ANKIB1: variants seen among roughly 807,000 people sequenced by gnomAD.
The protein encoded by ANKIB1 is ankyrin repeat and IBR domain containing 1.
A neutral mutation model predicts 122.1 loss-of-function variants in ANKIB1; 43 were observed. That is an observed-to-expected ratio of 0.35 (90% confidence interval 0.28 to 0.45). The LOEUF (loss-of-function observed/expected upper bound fraction) is 0.45. Ranked by LOEUF, ANKIB1 falls within the 20% of genes least tolerant of loss-of-function variation. The pLI, the probability that ANKIB1 is intolerant of heterozygous loss-of-function variation, is 1.00. For synonymous variants in ANKIB1, 390 were observed against 442.0 expected (o/e 0.88, Z 1.48); for missense variants, 992 against 1,329.5 (o/e 0.75, Z 3.95).
intron 1 of ANKIB1, among the ~76,000 whole-genome samples, chr7:92,252,063 A>G (rs1320216306): frequency 6.6e-6 from 1 of 152,116 alleles, no homozygotes; most frequent in Non-Finnish European, 1.5e-5. Context: ...CAGGTTATGC[A>G]TTCCTGGCAG....
At chr7:92,393,092 A>C (rs1804820193) in intron 17 of ANKIB1, among the ~76,000 whole-genome samples, 1 of 152,058 alleles carries the variant, frequency 6.6e-6, no homozygotes, top group African/African-American at 2.4e-5. Flanking sequence ...GTACAGAACA[A>C]ATGAGGAAAT....
At chr7:92,386,007 A>G (rs1429601348) in intron 11 of ANKIB1, among the ~76,000 whole-genome samples, 1 of 152,180 alleles carries the variant, frequency 6.6e-6, no homozygotes, top group Non-Finnish European at 1.5e-5. Flanking sequence ...GAATGCTCAT[A>G]TTTTTGGCAC....
intron 12 of ANKIB1, among the ~76,000 whole-genome samples, chr7:92,387,146 C>T (rs1804672649): frequency 6.6e-6 from 1 of 152,074 alleles, no homozygotes; most frequent in South Asian, 2.1e-4. Context: ...GACAGAGAGA[C>T]CTCTGGTGCC....
rs879299461 is a variant in ANKIB1, at chr7:92,371,706, A to G, written c.1617+99A>G. The G allele has an allele frequency of 6.4e-5, 87 of 1,357,508 alleles. No individual in the cohort carries two copies. In the Admixed American group the frequency reaches 1.8e-3, roughly 27 times the overall value. The allele number at this position is 1,357,508 out of a possible 1,614,324, so 84.1% of individuals were successfully genotyped here. ...TAAATTATTTGAGGGGGCCTGGTGC[A>G]GTGGCTCTTGCCTATAATCCCAGCA... On this transcript the variant is annotated intron_variant, in intron 11 of 19. Coordinates refer to ENST00000265742, the MANE Select transcript of ANKIB1 (RefSeq NM_019004.2).
chr7:92,397,598 T>C, intron 18 of ANKIB1, 125 bp from the exon 19 acceptor site: 1 of 975,646 alleles, frequency 1.0e-6, no homozygotes, highest in Non-Finnish European at 1.5e-6. Context: ...TAAGTGAACA[T>C]GTCAACACAG....
intron 5 of ANKIB1, among the ~76,000 whole-genome samples, chr7:92,334,170 A>G (rs551545555): frequency 1.7e-4 from 26 of 152,130 alleles, no homozygotes; most frequent in Non-Finnish European, 3.4e-4. Context: ...ATAGTACTTA[A>G]TGCTGTTATT....
At chr7:92,262,020 A>G (rs758405979) in intron 1 of ANKIB1, among the ~76,000 whole-genome samples, 38 of 152,182 alleles carry the variant, frequency 2.5e-4, no homozygotes, top group Non-Finnish European at 4.4e-4. Context: ...TGTGCCCTTC[A>G]TTACTTCATT....
chr7:92,386,243 AT>A (rs890070598), intron 11 of ANKIB1, among the ~76,000 whole-genome samples: 2 of 152,176 alleles, frequency 1.3e-5, no homozygotes, highest in Non-Finnish European at 2.9e-5. Context: ...TTTGGAAAGA[AT>A]GGTTCCTTGT....
intron 7 of ANKIB1, among the ~76,000 whole-genome samples, chr7:92,348,819 G>A (rs1803598752): frequency 6.6e-6 from 1 of 152,208 alleles, no homozygotes; most frequent in African/African-American, 2.4e-5. Flanking sequence ...GGACGCCAAA[G>A]AGAATTTGAA....
At chr7:92,320,628 T>C (rs1300211905) in intron 4 of ANKIB1, among the ~76,000 whole-genome samples, 1 of 152,164 alleles carries the variant, frequency 6.6e-6, no homozygotes, top group African/African-American at 2.4e-5. Flanking sequence ...CTGTCAATTT[T>C]ACCTCCAAAA....
intron 3 of ANKIB1, among the ~76,000 whole-genome samples, chr7:92,312,540 T>G (rs1247393258): frequency 1.3e-5 from 2 of 152,164 alleles, no homozygotes; most frequent in African/African-American, 4.8e-5. Flanking sequence ...TAATAAATCT[T>G]TATTTATGGA....
intron 19 of ANKIB1, 21 bp from the exon 20 acceptor site, chr7:92,398,191 T>C: frequency 6.5e-7 from 1 of 1,546,268 alleles, no homozygotes; most frequent in Non-Finnish European, 8.7e-7. Context: ...TTTAAAGTGG[T>C]TTTGCTTTCT....
Position 92,377,944 on chromosome 7 carries a change from T to TAA in ANKIB1, c.1617+6349_1617+6350dup, listed in dbSNP as rs879550552. ...TTTTATTTAAACTGTTCTTGAGAGT[T>TAA]AAAAAAAAAAAAACTTAAAACTTTC... On this transcript the variant is annotated intron_variant, in intron 11 of 19. Coordinates refer to ENST00000265742, the MANE Select transcript of ANKIB1 (RefSeq NM_019004.2). 7.3e-3 allele frequency among the ~76,000 whole-genome samples: 1,040 copies of TAA among 143,208 alleles called. 10 individuals are homozygous for TAA. Among genetic ancestry groups the TAA allele is most frequent in the African/African-American group, 0.025 (989 of 39,324 alleles). The allele number at this position is 143,208 out of a possible 152,430, so 94.0% of individuals were successfully genotyped here. A position where few individuals can be genotyped will look rare whatever the true frequency, so the allele number is the denominator to read the frequency against.
chr7:92,285,171 G>A (rs374791748), intron 1 of ANKIB1, among the ~76,000 whole-genome samples: 3 of 151,906 alleles, frequency 2.0e-5, no homozygotes, highest in South Asian at 2.1e-4. Flanking sequence ...GGGTTCAAGC[G>A]ATTTCCCGCT....
chr7:92,305,753 A>C (rs574110848), intron 2 of ANKIB1, among the ~76,000 whole-genome samples: 20 of 152,304 alleles, frequency 1.3e-4, no homozygotes, highest in Admixed American at 3.3e-4. Context: ...AGAGAAAATA[A>C]GCATGTAGAG....
chr7:92,288,975 A>G (rs886083888), intron 1 of ANKIB1, among the ~76,000 whole-genome samples: 1 of 152,228 alleles, frequency 6.6e-6, no homozygotes, highest in Admixed American at 6.5e-5. Context: ...AAAGTTAAAC[A>G]TATGACTTAG....
At chr7:92,343,496 A>G (rs1361759470) in intron 6 of ANKIB1, among the ~76,000 whole-genome samples, 1 of 152,178 alleles carries the variant, frequency 6.6e-6, no homozygotes, top group Non-Finnish European at 1.5e-5. Flanking sequence ...TAGGGAAACC[A>G]TCTATTTTAT....
At chr7:92,385,121 A>G (rs1804606045) in intron 11 of ANKIB1, among the ~76,000 whole-genome samples, 1 of 152,254 alleles carries the variant, frequency 6.6e-6, no homozygotes, top group East Asian at 1.9e-4. Context: ...GCCAACAGGC[A>G]TGAAAAAATG....
rs1158275154 is a variant in ANKIB1 at position 92,401,047 on chromosome 7, A to G, written c.*2098A>G. 1 of 152,268 alleles carries G rather than the reference A, an allele frequency of 6.6e-6. No individual in the cohort carries two copies. Among genetic ancestry groups the G allele is most frequent in the Admixed American group, 6.5e-5 (1 of 15,286 alleles). The allele number at this position is 152,268 out of a possible 1,614,324, so 9.4% of individuals were successfully genotyped here. On this transcript the variant is annotated 3_prime_UTR_variant, in exon 20 of 20. Transcript: ENST00000265742. ...GTTCCGGTTTCCTTGCACCTTGTGCAGTATCCTTTATTTCTGTGCTGTTCT... is the reference window on the plus strand; with the variant it reads ...GTTCCGGTTTCCTTGCACCTTGTGCGGTATCCTTTATTTCTGTGCTGTTCT...
Sources: gnomAD v4.1 joint callset for allele counts (sites outside exome capture counted in the v4.1 genomes callset) on GRCh38, gnomAD v4.1.1 for gene constraint, MANE v1.5 for transcripts, NCBI Gene and HGNC (gene_info 2026-07-23, HGNC 2026-07-21) for gene names.